Variants in MINDY3 observed in about 807,000 individuals in gnomAD.
The protein encoded by MINDY3 is ubiquitin carboxyl-terminal hydrolase MINDY-3.
Under a neutral mutation model 69.2 loss-of-function variants are expected in MINDY3, and 38 were observed. The ratio of observed to expected loss-of-function variants is 0.55; its 90% CI spans 0.42 to 0.72. The LOEUF (loss-of-function observed/expected upper bound fraction) is 0.72, where lower values mean the gene tolerates loss of function less well. Ranked by LOEUF, MINDY3 falls within the 30% of genes least tolerant of loss-of-function variation. The pLI is 0.00. For synonymous variants in MINDY3, 192 were observed against 180.1 expected (o/e 1.07, Z -0.53); for missense variants, 522 against 519.0 (o/e 1.01, Z -0.06).
At chr10:15,811,461 A>C (rs1012847346) in intron 10 of MINDY3, among the ~76,000 whole-genome samples, 2 of 152,192 alleles carry the variant, frequency 1.3e-5, no homozygotes, top group Admixed American at 1.3e-4. Flanking sequence ...TCATGAGACT[A>C]TGTATAGATT....
At chr10:15,853,556 A>C (rs189315146) in intron 1 of MINDY3, among the ~76,000 whole-genome samples, 23 of 152,230 alleles carry the variant, frequency 1.5e-4, no homozygotes, top group Admixed American at 3.9e-4. Context: ...GCTGCAGTCA[A>C]AATTACTAAT....
intron 10 of MINDY3, among the ~76,000 whole-genome samples, chr10:15,798,455 G>C (rs566332989): frequency 1.6e-4 from 23 of 147,020 alleles, no homozygotes; most frequent in South Asian, 1.1e-3. Context: ...TTGTCTCTAA[G>C]TGCCAAGTGT....
intron 3 of MINDY3, among the ~76,000 whole-genome samples, chr10:15,842,864 A>C (rs1833570519): frequency 6.7e-6 from 1 of 149,038 alleles, no homozygotes; most frequent in Admixed American, 6.8e-5. Flanking sequence ...CAGGAATATA[A>C]TGATAATTCT....
chr10:15,783,870 A>G (rs1248742234), intron 13 of MINDY3, among the ~76,000 whole-genome samples: 3 of 152,198 alleles, frequency 2.0e-5, no homozygotes, highest in Non-Finnish European at 4.4e-5. Context: ...GTAACTGAAT[A>G]TAATTTATAT....
At chr10:15,825,527 A>G (rs1840029837) in intron 8 of MINDY3, among the ~76,000 whole-genome samples, 1 of 152,208 alleles carries the variant, frequency 6.6e-6, no homozygotes, top group Non-Finnish European at 1.5e-5. Context: ...ATTATCTTAT[A>G]TAAAAGAGAA....
chr10:15,782,414 C>T, intron 13 of MINDY3, 188 bp from the exon 14 acceptor site: 1 of 521,972 alleles, frequency 1.9e-6, no homozygotes, highest in Non-Finnish European at 3.3e-6. Context: ...AGTGTTGCCT[C>T]TGAAGAAGAT....
intron 8 of MINDY3, among the ~76,000 whole-genome samples, chr10:15,823,745 C>G (rs1203365753): frequency 6.6e-6 from 1 of 152,082 alleles, no homozygotes; most frequent in Non-Finnish European, 1.5e-5. Flanking sequence ...GAATTTACTC[C>G]ATGTTACAGT....
At chr10:15,829,371 C>T (rs542255663) in intron 8 of MINDY3, among the ~76,000 whole-genome samples, 1 of 152,192 alleles carries the variant, frequency 6.6e-6, no homozygotes, top group Admixed American at 6.5e-5. Flanking sequence ...TATATGAATG[C>T]CCAGATTCCA....
Position 15,786,573 on chromosome 10 carries a change from A to T in MINDY3, c.1104T>A (p.Phe368Leu). 6.4e-7 allele frequency: 1 copy of T among 1,571,110 alleles called. No individual in the cohort carries two copies. Among genetic ancestry groups the T allele is most frequent in the Non-Finnish European group, 8.7e-7 (1 of 1,143,970 alleles). The change falls in exon 13 of 15, where the codon TTT becomes TTA. Residue 368 changes from phenylalanine (F) to leucine (L), a missense_variant. Transcript: ENST00000277632. ...IILLGPFLQE[F>L]FPDQGSSGPE... ...TCAACTATGTTACCTGATCAGGAAAAAATTCTTGAAGAAATGGGCCCAATA... is the reference window on the plus strand; with the variant it reads ...TCAACTATGTTACCTGATCAGGAAATAATTCTTGAAGAAATGGGCCCAATA...
At position 15,778,743 on chromosome 10, in the gene MINDY3, G is replaced by C. The variant is rs1836288795; in HGVS notation, c.*249C>G. The C allele has an allele frequency of 2.9e-6, 1 of 340,104 alleles. No individual in the cohort carries two copies. Among genetic ancestry groups the C allele is most frequent in the Non-Finnish European group, 5.3e-6 (1 of 187,232 alleles). The allele number at this position is 340,104 out of a possible 1,614,324, so 21.1% of individuals were successfully genotyped here. On this transcript the variant is annotated 3_prime_UTR_variant, in exon 15 of 15. Coordinates refer to ENST00000277632, the MANE Select transcript of MINDY3 (RefSeq NM_024948.4). The stretch of plus-strand genomic sequence containing the variant: ...AATGACCAAGTATCTGAATGCAAAA[G>C]TGATGAACTTTGATGAAAGCTTAAT...
chr10:15,793,986 A>C (rs1837618998), intron 11 of MINDY3, among the ~76,000 whole-genome samples: 1 of 152,118 alleles, frequency 6.6e-6, no homozygotes, highest in African/African-American at 2.4e-5. Flanking sequence ...GTACACGCCT[A>C]TTTAATTAGG....
chr10:15,843,707 C>T (rs546287558), intron 2 of MINDY3, among the ~76,000 whole-genome samples: 161 of 152,156 alleles, frequency 1.1e-3, no homozygotes, highest in African/African-American at 3.8e-3. Context: ...ACAAGATTAA[C>T]ACTATTAGAG....
At chr10:15,793,907 C>A (rs879296755) in intron 11 of MINDY3, among the ~76,000 whole-genome samples, 1 of 152,080 alleles carries the variant, frequency 6.6e-6, no homozygotes, top group African/African-American at 2.4e-5. Flanking sequence ...ACGATCAGTA[C>A]TAAATCACTT....
chr10:15,794,507 T>C (rs1837659902), intron 11 of MINDY3, among the ~76,000 whole-genome samples: 1 of 152,134 alleles, frequency 6.6e-6, no homozygotes, highest in South Asian at 2.1e-4. Flanking sequence ...GAATAAGTTT[T>C]GCTTGCTTTA....
At chr10:15,821,806 GTATA>G (rs1839788103) in intron 8 of MINDY3, 80 bp from the exon 9 acceptor site, 2 of 1,093,926 alleles carry the variant, frequency 1.8e-6, no homozygotes, top group East Asian at 2.5e-5. Flanking sequence ...GTACTTATAT[GTATA>G]TATATTTATA....
In MINDY3 at chr10:15,803,737, T is replaced by C. The variant is rs552572288; in HGVS notation, c.883-7565A>G. Among the ~76,000 whole-genome samples the C allele has an allele frequency of 4.7e-5, 7 of 147,740 alleles. No homozygotes were observed. The East Asian group carries it at 1.4e-3, about 29-fold the overall frequency. On this transcript the variant is annotated intron_variant, in intron 10 of 14. Transcript: ENST00000277632. ...GAACAGAGAAAAACATGCTACTCTA[T>C]CTTTACTTCCAAGAATCTTATTAAA... is the stretch of plus-strand genomic sequence containing the variant.
intron 1 of MINDY3, among the ~76,000 whole-genome samples, chr10:15,858,958 C>G (rs1834886804): frequency 1.3e-5 from 2 of 152,064 alleles, no homozygotes; most frequent in Admixed American, 1.3e-4. Context: ...CAAGTCATTA[C>G]ATGTAGGGTT....
rs1351161230 is a variant in MINDY3 at position 15,845,623 on chromosome 10, C to T, written c.174+2241G>A. On this transcript the variant is annotated intron_variant, in intron 2 of 14. Transcript: ENST00000277632. ...CAAAGACCCTCCCCTTCTAGCCTCC[C>T]GAGTAGCTAGGACTACAGGTGTGCA... 4.6e-5 allele frequency among the ~76,000 whole-genome samples: 7 copies of T among 151,874 alleles called. No individual in the cohort carries two copies. In the South Asian group the frequency reaches 6.2e-4, roughly 14 times the overall value.
At chr10:15,814,879 A>G (rs1001511926) in intron 10 of MINDY3, among the ~76,000 whole-genome samples, 3 of 152,162 alleles carry the variant, frequency 2.0e-5, no homozygotes, top group African/African-American at 7.2e-5. Context: ...ACTTTTTCAG[A>G]TAATGTCCTC....
Sources: allele counts gnomAD v4.1 joint callset (sites outside exome capture counted in the v4.1 genomes callset), GRCh38; gene constraint gnomAD v4.1.1; transcripts MANE v1.5; gene names NCBI Gene and HGNC (gene_info 2026-07-23, HGNC 2026-07-21).